Variants in ADK observed in about 807,000 individuals in gnomAD.
ADK encodes the protein N6,N6-dimethyladenosine kinase.
In ADK, 24 loss-of-function variants were observed where a neutral mutation model predicts 44.7. The ratio of observed to expected loss-of-function variants is 0.54; its 90% CI spans 0.39 to 0.76. ADK has a LOEUF of 0.76. Ranked by LOEUF, ADK falls within the 30% of genes least tolerant of loss-of-function variation. The pLI is 0.00. For synonymous variants in ADK, 128 were observed against 142.6 expected (o/e 0.90, Z 0.73); for missense variants, 321 against 425.1 (o/e 0.76, Z 2.15).
intron 1 of ADK, among the ~76,000 whole-genome samples, chr10:74,157,878 C>T (rs1841796841): frequency 6.6e-6 from 1 of 152,130 alleles, no homozygotes; most frequent in Admixed American, 6.6e-5. Flanking sequence ...GGCAACAGCG[C>T]AACTCCATAA....
At chr10:74,439,924 T>G (rs1310264615) in intron 6 of ADK, among the ~76,000 whole-genome samples, 1 of 151,968 alleles carries the variant, frequency 6.6e-6, no homozygotes, top group African/African-American at 2.4e-5. Flanking sequence ...TGTTATTAGG[T>G]TATATAATTT....
At chr10:74,203,541 G>A (rs1429069735) in intron 2 of ADK, among the ~76,000 whole-genome samples, 1 of 151,252 alleles carries the variant, frequency 6.6e-6, no homozygotes, top group African/African-American at 2.4e-5. Context: ...ATTTTTTTTT[G>A]TATAAACAGG....
intron 9 of ADK, among the ~76,000 whole-genome samples, chr10:74,621,692 G>A (rs1424080286): frequency 6.6e-6 from 1 of 151,982 alleles, no homozygotes; most frequent in Non-Finnish European, 1.5e-5. Context: ...TTTTTGTTCG[G>A]TTTGGTTTCT....
At chr10:74,387,605 T>C (rs990201505) in intron 4 of ADK, among the ~76,000 whole-genome samples, 1 of 152,236 alleles carries the variant, frequency 6.6e-6, no homozygotes, top group Non-Finnish European at 1.5e-5. Flanking sequence ...CAATTGATAC[T>C]GCTACCTGTC....
At chr10:74,273,203 T>G (rs1437999861) in intron 3 of ADK, among the ~76,000 whole-genome samples, 1 of 151,764 alleles carries the variant, frequency 6.6e-6, no homozygotes, top group Non-Finnish European at 1.5e-5. Flanking sequence ...CCTTAAGCTG[T>G]CAGCTCCTTC....
At chr10:74,486,698 T>C (rs1044637101) in intron 6 of ADK, among the ~76,000 whole-genome samples, 6 of 152,314 alleles carry the variant, frequency 3.9e-5, no homozygotes, top group Admixed American at 1.3e-4. Flanking sequence ...CCTATACTAC[T>C]AGCTGTTTGA....
chr10:74,617,992 C>G (rs1234182934), intron 9 of ADK, among the ~76,000 whole-genome samples: 1 of 152,194 alleles, frequency 6.6e-6, no homozygotes, highest in Non-Finnish European at 1.5e-5. Context: ...AAATGTCCTT[C>G]TTAATCTCTA....
chr10:74,354,091 C>G (rs1842057457), intron 4 of ADK, among the ~76,000 whole-genome samples: 1 of 152,176 alleles, frequency 6.6e-6, no homozygotes, highest in Admixed American at 6.5e-5. Flanking sequence ...AATTATAACA[C>G]AAGCAACTAA....
intron 7 of ADK, chr10:74,529,338 T>G (rs1849191071): frequency 6.6e-6 from 1 of 152,094 alleles, no homozygotes. Context: ...CATAGTAGGA[T>G]AGTGATTACC....
rs561091789 is a variant in ADK at position 74,471,648 on chromosome 10, G to A, written c.556-53608G>A. ...AAGTTCCAATCCATGAACACAGGAC[G>A]TCTTTTCATTTATTGGTGTCTTCTT... is the stretch of plus-strand genomic sequence containing the variant. On this transcript the variant is annotated intron_variant, in intron 6 of 10. Transcript: ENST00000539909. 4.6e-5 allele frequency among the ~76,000 whole-genome samples: 7 copies of A among 152,206 alleles called. No individual in the cohort carries two copies. The South Asian group carries it at 1.0e-3, about 23-fold the overall frequency.
intron 6 of ADK, among the ~76,000 whole-genome samples, chr10:74,455,963 GACGATT>G (rs1377037229): frequency 6.6e-6 from 1 of 152,036 alleles, no homozygotes; most frequent in Admixed American, 6.5e-5. Context: ...TTGTGAATCT[GACGATT>G]ACATTGTGTC....
chr10:74,173,591 CA>C (rs1305106406), intron 1 of ADK, among the ~76,000 whole-genome samples: 2 of 151,116 alleles, frequency 1.3e-5, no homozygotes, highest in Non-Finnish European at 2.9e-5. Flanking sequence ...CCACCGCGCC[CA>C]ACTAATTCTT....
intron 4 of ADK, among the ~76,000 whole-genome samples, chr10:74,351,345 A>G (rs543712789): frequency 6.6e-6 from 1 of 152,362 alleles, no homozygotes; most frequent in East Asian, 1.9e-4. Flanking sequence ...ATAGATGCAG[A>G]GAAGTCCTTT....
At chr10:74,431,595 G>A (rs887458998) in intron 6 of ADK, among the ~76,000 whole-genome samples, 1 of 152,138 alleles carries the variant, frequency 6.6e-6, no homozygotes. Context: ...ACGAAAATTA[G>A]CCAGGTGTGG....
chr10:74,493,300 G>A (rs1589167209), intron 6 of ADK, among the ~76,000 whole-genome samples: 1 of 151,714 alleles, frequency 6.6e-6, no homozygotes, highest in Middle Eastern at 3.4e-3. Flanking sequence ...TCCCACCTCA[G>A]GCCTCCCTAG....
chr10:74,352,213 G>C (rs1275881050), intron 4 of ADK, among the ~76,000 whole-genome samples: 1 of 152,110 alleles, frequency 6.6e-6, no homozygotes, highest in Non-Finnish European at 1.5e-5. Flanking sequence ...CATGGTACTG[G>C]TACCAAAACA....
At chr10:74,237,281 C>T (rs1211696462) in intron 3 of ADK, among the ~76,000 whole-genome samples, 2 of 152,194 alleles carry the variant, frequency 1.3e-5, no homozygotes, top group African/African-American at 4.8e-5. Context: ...TACATTCCAT[C>T]TTAGGAAACC....
chr10:74,339,621 A>G (rs896507380), intron 4 of ADK, among the ~76,000 whole-genome samples: 1 of 152,216 alleles, frequency 6.6e-6, no homozygotes, highest in Admixed American at 6.5e-5. Flanking sequence ...CATTTTACAG[A>G]TGCAAAAAGT....
intron 6 of ADK, among the ~76,000 whole-genome samples, chr10:74,400,516 G>A (rs1843669701): frequency 6.6e-6 from 1 of 152,122 alleles, no homozygotes; most frequent in Non-Finnish European, 1.5e-5. Flanking sequence ...GACACTGCAG[G>A]TTTTGCAAAT....
Sources: allele counts gnomAD v4.1 joint callset (sites outside exome capture counted in the v4.1 genomes callset), GRCh38; gene constraint gnomAD v4.1.1; transcripts MANE v1.5; gene names NCBI Gene and HGNC (gene_info 2026-07-23, HGNC 2026-07-21).